RFX7: variants seen among roughly 807,000 people sequenced by gnomAD.
RFX7 encodes the protein DNA-binding protein RFX7.
RFX7 carries 26 observed loss-of-function variants against 111.8 expected under a neutral mutation model. The observed-to-expected ratio is 0.23, with a 90% CI of 0.17 to 0.32. The LOEUF (loss-of-function observed/expected upper bound fraction) is 0.32. Ranked by LOEUF, RFX7 falls within the 10% of genes least tolerant of loss-of-function variation. RFX7 has a pLI of 1.00. For missense variants in RFX7, 1,573 were observed against 1,772.9 expected (o/e 0.89, Z 2.02); for synonymous variants, 624 against 624.4 (o/e 1.00, Z 0.01).
intron 5 of RFX7, among the ~76,000 whole-genome samples, chr15:56,136,164 T>C (rs1202051186): frequency 5.3e-5 from 8 of 151,864 alleles, no homozygotes; most frequent in South Asian, 4.2e-4. Context: ...AAGGCATTGG[T>C]AGCTTGATGG....
intron 3 of RFX7, among the ~76,000 whole-genome samples, chr15:56,166,172 AG>A (rs1180045587): frequency 6.6e-6 from 1 of 152,202 alleles, no homozygotes; most frequent in East Asian, 1.9e-4. Context: ...TTGGGATTAC[AG>A]GCATGAGCCA....
chr15:56,093,564 A>T lies in RFX7; in HGVS notation c.4164T>A (p.Ser1388=). 1 of 1,613,820 alleles carries T rather than the reference A, an allele frequency of 6.2e-7. No individual in the cohort carries two copies. Among genetic ancestry groups the T allele is most frequent in the South Asian group, 1.1e-5 (1 of 91,070 alleles). The change falls in exon 10 of 10, where the codon TCT becomes TCA. Residue 1388 remains serine (S), a synonymous_variant. Transcript: ENST00000559447. ...SDFSSDIRLS[S]ELSGSINDLN... ...AATCATTGATGCTGCCTGAGAGCTC[A>T]GAAGACAACCTGATATCGCTAGAGA...
chr15:56,131,315 G>A (rs1205112958), intron 5 of RFX7, among the ~76,000 whole-genome samples: 4 of 93,152 alleles, frequency 4.3e-5, no homozygotes, highest in Non-Finnish European at 8.1e-5. Context: ...ATCTCACTCT[G>A]TCACCCAGGT....
chr15:56,138,856 A>G (rs1284016238), intron 5 of RFX7, among the ~76,000 whole-genome samples: 58 of 152,006 alleles, frequency 3.8e-4, no homozygotes, highest in African/African-American at 1.2e-3. Context: ...AAAGTATTTT[A>G]TTTCTCCTTC....
In RFX7 at chr15:56,219,404, C is replaced by T. The variant is rs375157113; in HGVS notation, c.161+23721G>A. On this transcript the variant is annotated intron_variant, in intron 2 of 9. Transcript: ENST00000559447. Reference sequence around the variant, plus strand: ...CTTTTATTTTAGATTCAGGGGTACACGTGCAGGTCTGTTATATAGGTAAAT... The same window carrying T: ...CTTTTATTTTAGATTCAGGGGTACATGTGCAGGTCTGTTATATAGGTAAAT... Among the ~76,000 whole-genome samples the T allele has an allele frequency of 1.3e-5, 2 of 152,182 alleles. 1 individual carries two copies.
intron 5 of RFX7, among the ~76,000 whole-genome samples, chr15:56,118,927 A>G (rs1326369321): frequency 6.6e-5 from 10 of 152,170 alleles, no homozygotes; most frequent in African/African-American, 2.2e-4. Flanking sequence ...TTTGATTTGT[A>G]TTTCTCTAAT....
intron 9 of RFX7, 58 bp downstream of exon 9, chr15:56,098,021 TAA>T (rs2041704464): frequency 1.3e-6 from 2 of 1,510,878 alleles, no homozygotes; most frequent in African/African-American, 2.8e-5. Context: ...CTGCCACTTT[TAA>T]GTAAACAGTT....
At chr15:56,222,256 C>G in intron 2 of RFX7, among the ~76,000 whole-genome samples, 1 of 152,138 alleles carries the variant, frequency 6.6e-6, no homozygotes, top group East Asian at 1.9e-4. Context: ...ATGTATATCA[C>G]GTATCTTCCC....
chr15:56,243,056 G>GCCCCCCC, intron 2 of RFX7, 69 bp downstream of exon 2: 1 of 520,784 alleles, frequency 1.9e-6, no homozygotes, highest in Non-Finnish European at 3.3e-6. Context: ...CCCGCCCGCC[G>GCCCCCCC]CCCCCCACCC....
intron 2 of RFX7, among the ~76,000 whole-genome samples, chr15:56,191,996 T>C (rs1175826236): frequency 6.6e-6 from 1 of 152,070 alleles, no homozygotes; most frequent in Non-Finnish European, 1.5e-5. Flanking sequence ...ATGAACACAA[T>C]ATACTCTCAC....
chr15:56,197,983 CTT>C (rs1186834923), intron 2 of RFX7, among the ~76,000 whole-genome samples: 1 of 152,038 alleles, frequency 6.6e-6, no homozygotes, highest in Non-Finnish European at 1.5e-5. Context: ...TTTATTAAGT[CTT>C]TGCAGAATGT....
chr15:56,191,047 T>A (rs1011440815), intron 2 of RFX7, among the ~76,000 whole-genome samples: 2 of 152,226 alleles, frequency 1.3e-5, no homozygotes, highest in Non-Finnish European at 2.9e-5. Context: ...CTCTACCCTC[T>A]GTGATAACCC....
intron 2 of RFX7, among the ~76,000 whole-genome samples, chr15:56,234,332 T>C (rs1016776541): frequency 6.6e-6 from 1 of 152,232 alleles, no homozygotes; most frequent in Non-Finnish European, 1.5e-5. Context: ...AAAACAAATG[T>C]GTACTGAATT....
chr15:56,114,048 A>C (rs541865181), intron 5 of RFX7, among the ~76,000 whole-genome samples: 4 of 152,202 alleles, frequency 2.6e-5, no homozygotes, highest in Non-Finnish European at 5.9e-5. Context: ...TTAAGGAGTA[A>C]ATAGATCTTA....
At chr15:56,164,106 G>A (rs1045476924) in intron 3 of RFX7, among the ~76,000 whole-genome samples, 3 of 152,306 alleles carry the variant, frequency 2.0e-5, no homozygotes, top group East Asian at 1.9e-4. Flanking sequence ...GCTGTCATGC[G>A]CAAACAAGGG....
intron 2 of RFX7, 151 bp downstream of exon 2, chr15:56,242,974 A>G: frequency 1.9e-6 from 1 of 534,582 alleles, no homozygotes; most frequent in Non-Finnish European, 3.1e-6. Flanking sequence ...ACACCTCCAG[A>G]GATCCTACAA....
At position 56,243,379 on chromosome 15, in the gene RFX7, AGGAGGG is replaced by A. The variant is rs1165213710; in HGVS notation, c.-3+60_-3+65del. On this transcript the variant is annotated intron_variant, in intron 1 of 9. Transcript: ENST00000559447. ...GAGGGGAGGACGAAGGGGGGAGAGGAGGAGGGGGAGGGGGAGGGGAAGAGGAGGAGG... is the reference window on the plus strand; with the variant it reads ...GAGGGGAGGACGAAGGGGGGAGAGGAGGAGGGGGAGGGGAAGAGGAGGAGG... 70 of 385,492 alleles carry A rather than the reference AGGAGGG, an allele frequency of 1.8e-4. 1 individual carries two copies. The highest frequency in any genetic ancestry group is 1.5e-3 in the South Asian group (28 of 18,954). 23.9% of individuals were successfully genotyped at this position (385,492 alleles called of 1,614,324 possible).
chr15:56,108,486 G>A (rs1436188179), intron 5 of RFX7, among the ~76,000 whole-genome samples: 23 of 151,968 alleles, frequency 1.5e-4, no homozygotes, highest in Non-Finnish European at 5.9e-5. Context: ...AAAGGCCTTC[G>A]AAAAAATGCA....
At chr15:56,164,557 G>A (rs1471657791) in intron 3 of RFX7, among the ~76,000 whole-genome samples, 4 of 152,168 alleles carry the variant, frequency 2.6e-5, no homozygotes, top group Admixed American at 1.3e-4. Flanking sequence ...GGATCCTGGT[G>A]AGAACTCAGG....
Sources: allele counts gnomAD v4.1 joint callset (sites outside exome capture counted in the v4.1 genomes callset), GRCh38; gene constraint gnomAD v4.1.1; transcripts MANE v1.5; gene names NCBI Gene and HGNC (gene_info 2026-07-23, HGNC 2026-07-21).